The following CCDC7 variants were observed in gnomAD, a reference collection of about 807,000 sequenced individuals.
The protein encoded by CCDC7 is coiled-coil domain-containing protein 7.
In CCDC7, 183 loss-of-function variants were observed where a neutral mutation model predicts 196.9. The observed-to-expected ratio is 0.93, with a 90% CI of 0.82 to 1.05. The LOEUF is 1.05. Among genes scored for constraint, CCDC7 ranks in the 50% least tolerant of loss-of-function variants. The probability of loss-of-function intolerance (pLI) is 0.00; values close to 1 mark genes in which losing one functional copy is unlikely to be tolerated. For synonymous variants in CCDC7, 525 were observed against 484.6 expected (o/e 1.08, Z -1.10); for missense variants, 1,540 against 1,482.2 (o/e 1.04, Z -0.64).
chr10:32,832,769 T>C (rs923862685), intron 32 of CCDC7, among the ~76,000 whole-genome samples: 1 of 152,124 alleles, frequency 6.6e-6, no homozygotes, highest in Non-Finnish European at 1.5e-5. Flanking sequence ...CATAATATTA[T>C]ATAAATGCAT....
chr10:32,787,825 G>A (rs1422831801), intron 29 of CCDC7, among the ~76,000 whole-genome samples: 6 of 151,914 alleles, frequency 3.9e-5, no homozygotes, highest in Non-Finnish European at 7.4e-5. Context: ...AGAGGCCCCA[G>A]GCTTCAGGCT....
chr10:32,483,738 T>C (rs1405994673), intron 8 of CCDC7, among the ~76,000 whole-genome samples: 3 of 152,218 alleles, frequency 2.0e-5, no homozygotes, highest in Non-Finnish European at 1.5e-5. Flanking sequence ...TCCAGCACCG[T>C]TTATTAACTA....
chr10:32,477,614 A>C (rs77708730), intron 8 of CCDC7, among the ~76,000 whole-genome samples: 7,938 of 150,654 alleles, frequency 0.053, 687 homozygotes, highest in African/African-American at 0.18. Flanking sequence ...GAAGAGTACT[A>C]TTTCTTCATT....
At chr10:32,821,037 G>A (rs1036227416) in intron 31 of CCDC7, among the ~76,000 whole-genome samples, 15 of 152,158 alleles carry the variant, frequency 9.9e-5, no homozygotes, top group East Asian at 1.9e-4. Context: ...GCAACCTACA[G>A]AATGGGAGAA....
At chr10:32,754,032 AATAAG>A (rs201141107) in intron 28 of CCDC7, among the ~76,000 whole-genome samples, 2,142 of 152,222 alleles carry the variant, frequency 0.014, 16 homozygotes, top group Non-Finnish European at 0.018. Context: ...TAAAGTTAAA[AATAAG>A]ATAAAATTCC....
At position 32,844,255 on chromosome 10, in the gene CCDC7, G is replaced by A. The variant is rs371703662; in HGVS notation, c.3353-988G>A. ...AAATTCAAATCACATAAAAACTCCA[G>A]TGGAAAGGAATGCAATCTCAATGCT... On this transcript the variant is annotated intron_variant, in intron 33 of 41. Transcript: ENST00000639629. 4.2e-4 allele frequency among the ~76,000 whole-genome samples: 64 copies of A among 152,000 alleles called. 1 individual carries two copies. The South Asian group carries it at 0.012, about 30-fold the overall frequency.
At chr10:32,669,310 A>G (rs906930855) in intron 21 of CCDC7, among the ~76,000 whole-genome samples, 6 of 152,040 alleles carry the variant, frequency 3.9e-5, no homozygotes, top group Admixed American at 3.9e-4. Flanking sequence ...TATTTTGTTG[A>G]GGTTTTGCAT....
chr10:32,708,738 C>T (rs1440340958), intron 24 of CCDC7, among the ~76,000 whole-genome samples: 2 of 152,180 alleles, frequency 1.3e-5, no homozygotes, highest in Non-Finnish European at 2.9e-5. Flanking sequence ...CATCACTGGC[C>T]GTCAGAGAAA....
chr10:32,729,870 T>G (rs1327044070), intron 28 of CCDC7, among the ~76,000 whole-genome samples: 1 of 152,204 alleles, frequency 6.6e-6, no homozygotes, highest in Non-Finnish European at 1.5e-5. Context: ...CTCCACAAAC[T>G]TTCTTCCAGT....
At chr10:32,635,669 A>G (rs1256047269) in intron 20 of CCDC7, among the ~76,000 whole-genome samples, 1 of 152,148 alleles carries the variant, frequency 6.6e-6, no homozygotes, top group Non-Finnish European at 1.5e-5. Flanking sequence ...AAACAAAACT[A>G]TCACATCTGC....
At chr10:32,602,844 G>T (rs550600875) in intron 18 of CCDC7, among the ~76,000 whole-genome samples, 2 of 151,970 alleles carry the variant, frequency 1.3e-5, no homozygotes, top group African/African-American at 2.4e-5. Flanking sequence ...CATAATATTT[G>T]TACATACTTA....
intron 28 of CCDC7, among the ~76,000 whole-genome samples, chr10:32,772,536 A>G (rs754945991): frequency 2.6e-5 from 4 of 152,160 alleles, no homozygotes; most frequent in Non-Finnish European, 5.9e-5. Context: ...ACTCTCCCCA[A>G]CCATGGCCCT....
intron 28 of CCDC7, among the ~76,000 whole-genome samples, chr10:32,739,679 A>T (rs2085479547): frequency 6.6e-6 from 1 of 150,948 alleles, no homozygotes; most frequent in African/African-American, 2.4e-5. Context: ...TTTTAGCATG[A>T]CTTGAAATTT....
In CCDC7 at chr10:32,739,858, G is replaced by GCCC. The variant is rs113990276; in HGVS notation, c.2905+10408_2905+10410dup. Among the ~76,000 whole-genome samples, 12 of 149,438 alleles carry GCCC rather than the reference G, an allele frequency of 8.0e-5. No homozygotes were observed. In the South Asian group the frequency reaches 1.7e-3, roughly 21 times the overall value. On this transcript the variant is annotated intron_variant, in intron 28 of 41. Coordinates refer to ENST00000639629, the Ensembl canonical transcript of CCDC7. The stretch of plus-strand genomic sequence containing the variant: ...TTTCTAAAATATTGTCATTATTTTT[G>GCCC]CCCCCCCCCACCAAACTGCTGTTTC...
intron 23 of CCDC7, among the ~76,000 whole-genome samples, chr10:32,694,361 G>A (rs984494410): frequency 6.6e-6 from 1 of 152,166 alleles, no homozygotes; most frequent in African/African-American, 2.4e-5. Flanking sequence ...AATACTGTAA[G>A]AACTTAACTC....
chr10:32,754,282 TC>T (rs1400260234), intron 28 of CCDC7, among the ~76,000 whole-genome samples: 1 of 152,094 alleles, frequency 6.6e-6, no homozygotes, highest in Non-Finnish European at 1.5e-5. Flanking sequence ...TTTCTATATA[TC>T]CCAGTAGTGA....
At chr10:32,581,318 C>T (rs938914523) in intron 16 of CCDC7, among the ~76,000 whole-genome samples, 2 of 152,052 alleles carry the variant, frequency 1.3e-5, no homozygotes, top group Non-Finnish European at 2.9e-5. Context: ...TGGCAATTCA[C>T]CAAATAATTG....
chr10:32,784,160 C>T (rs2081452793), intron 29 of CCDC7, among the ~76,000 whole-genome samples: 1 of 151,784 alleles, frequency 6.6e-6, no homozygotes, highest in South Asian at 2.1e-4. Flanking sequence ...ATATTTACCA[C>T]AATAAAAATG....
chr10:32,834,680 C>A (rs1203511799), intron 32 of CCDC7, 135 bp from the exon 34 acceptor site: 11 of 319,906 alleles, frequency 3.4e-5, no homozygotes, highest in South Asian at 3.3e-4. Context: ...TTTACTAATT[C>A]ATCTTCTTTA....
Sources: gnomAD v4.1 joint callset for allele counts (sites outside exome capture counted in the v4.1 genomes callset) on GRCh38, gnomAD v4.1.1 for gene constraint, MANE v1.5 for transcripts, NCBI Gene and HGNC (gene_info 2026-07-23, HGNC 2026-07-21) for gene names.